DMRT1: variants seen among roughly 807,000 people sequenced by gnomAD.
DMRT1 encodes the protein doublesex- and mab-3-related transcription factor 1.
A neutral mutation model predicts 32.3 loss-of-function variants in DMRT1; 7 were observed. The observed-to-expected ratio is 0.22, with a 90% CI of 0.12 to 0.41. The LOEUF (loss-of-function observed/expected upper bound fraction) is 0.41. Among genes scored for constraint, DMRT1 ranks in the 10% least tolerant of loss-of-function variants. The probability of loss-of-function intolerance (pLI) is 1.00; values close to 1 mark genes in which losing one functional copy is unlikely to be tolerated. For missense variants in DMRT1, 625 were observed against 500.5 expected (o/e 1.25, Z -2.37); for synonymous variants, 278 against 206.1 (o/e 1.35, Z -2.99).
At chr9:935,314 G>C (rs928422856) in intron 4 of DMRT1, among the ~76,000 whole-genome samples, 2 of 152,300 alleles carry the variant, frequency 1.3e-5, no homozygotes, top group Non-Finnish European at 1.5e-5. Flanking sequence ...TGGCAAACGA[G>C]GGGGGCAGAT....
At chr9:919,130 G>T (rs1818276008) in intron 4 of DMRT1, among the ~76,000 whole-genome samples, 1 of 152,192 alleles carries the variant, frequency 6.6e-6, no homozygotes, top group Admixed American at 6.5e-5. Flanking sequence ...ACATGTGGCA[G>T]ATCCGTCAAG....
intron 3 of DMRT1, among the ~76,000 whole-genome samples, chr9:912,264 G>A (rs1321462977): frequency 6.6e-6 from 1 of 152,160 alleles, no homozygotes; most frequent in Admixed American, 6.5e-5. Context: ...CGCCTACCAC[G>A]TTCCTTCTTT....
At chr9:848,172 C>T (rs1031491799) in intron 2 of DMRT1, among the ~76,000 whole-genome samples, 15 of 152,178 alleles carry the variant, frequency 9.9e-5, no homozygotes, top group African/African-American at 3.4e-4. Context: ...ATGAATTACT[C>T]CATTTGCTGG....
chr9:966,238 T>C (rs1000520778), intron 4 of DMRT1, among the ~76,000 whole-genome samples: 2 of 152,232 alleles, frequency 1.3e-5, no homozygotes, highest in East Asian at 3.8e-4. Context: ...TTATGAACTG[T>C]AATAAGATGA....
intron 2 of DMRT1, among the ~76,000 whole-genome samples, chr9:875,246 A>G (rs917891031): frequency 6.6e-6 from 1 of 152,146 alleles, no homozygotes; most frequent in African/African-American, 2.4e-5. Flanking sequence ...TCCGTGGTGG[A>G]ATAAACCTTG....
intron 3 of DMRT1, among the ~76,000 whole-genome samples, chr9:908,842 C>G (rs190203457): frequency 1.1e-3 from 160 of 152,274 alleles, no homozygotes; most frequent in Non-Finnish European, 2.0e-3. Flanking sequence ...CCCCTCCCAC[C>G]TCTCCTGGGC....
intron 1 of DMRT1, 34 bp downstream of exon 1, chr9:842,226 C>G (rs535563425): frequency 5.0e-5 from 65 of 1,312,772 alleles, no homozygotes; most frequent in Admixed American, 7.0e-5. Flanking sequence ...CGGGTTCAGC[C>G]TTAGTTTTTT....
chr9:959,040 A>G (rs1481237125), intron 4 of DMRT1, among the ~76,000 whole-genome samples: 1 of 152,262 alleles, frequency 6.6e-6, no homozygotes. Context: ...AAATATCTGG[A>G]CAGCCAACCT....
intron 2 of DMRT1, among the ~76,000 whole-genome samples, chr9:850,575 C>G (rs1340855839): frequency 6.6e-6 from 1 of 152,172 alleles, no homozygotes; most frequent in Non-Finnish European, 1.5e-5. Flanking sequence ...GGATGATTTA[C>G]TGCATGTACA....
At chr9:856,905 G>A (rs781470828) in intron 2 of DMRT1, among the ~76,000 whole-genome samples, 2 of 152,214 alleles carry the variant, frequency 1.3e-5, no homozygotes, top group Non-Finnish European at 2.9e-5. Flanking sequence ...AAGTTACAAG[G>A]GAAGATGCCT....
chr9:858,874 T>A (rs201619090), intron 2 of DMRT1, among the ~76,000 whole-genome samples: 168 of 59,986 alleles, frequency 2.8e-3, no homozygotes, highest in African/African-American at 0.011. Context: ...AAAAAAAATA[T>A]ATATATATAT....
chr9:951,889 G>C (rs1410157450), intron 4 of DMRT1, among the ~76,000 whole-genome samples: 2 of 152,188 alleles, frequency 1.3e-5, no homozygotes. Context: ...CCAGTTTGAA[G>C]CACTTACTGA....
rs1028894330 is a variant in DMRT1 at position 916,957 on chromosome 9, A to G, written c.967+50A>G. 25 of 1,604,688 alleles carry G rather than the reference A, an allele frequency of 1.6e-5. 1 individual carries two copies. Among genetic ancestry groups the G allele is most frequent in the Admixed American group, 1.0e-4 (6 of 59,992 alleles). ...GATTTGGGGTTGAGAGAGGATGGCT[A>G]TCCAGTATTGGGTCATTAGCTGTGT... On this transcript the variant is annotated intron_variant, in intron 4 of 4. Coordinates refer to ENST00000382276, the MANE Select transcript of DMRT1 (RefSeq NM_021951.3).
chr9:951,878 G>T (rs1819437926), intron 4 of DMRT1, among the ~76,000 whole-genome samples: 1 of 152,188 alleles, frequency 6.6e-6, no homozygotes, highest in Non-Finnish European at 1.5e-5. Flanking sequence ...AGTCCCTGGT[G>T]CCAGTTTGAA....
At chr9:897,596 A>G (rs1307456438) in intron 3 of DMRT1, among the ~76,000 whole-genome samples, 1 of 152,022 alleles carries the variant, frequency 6.6e-6, no homozygotes, top group Non-Finnish European at 1.5e-5. Context: ...TGTCTCCAAA[A>G]AAAAAAAACA....
chr9:953,452 A>G (rs1819495288), intron 4 of DMRT1, among the ~76,000 whole-genome samples: 1 of 152,164 alleles, frequency 6.6e-6, no homozygotes, highest in Non-Finnish European at 1.5e-5. Context: ...ACATGCATTT[A>G]TTTTCTAAAT....
At chr9:961,198 C>T (rs1251880117) in intron 4 of DMRT1, among the ~76,000 whole-genome samples, 1 of 152,122 alleles carries the variant, frequency 6.6e-6, no homozygotes, top group African/African-American at 2.4e-5. Context: ...TCTGGAATGC[C>T]TCGTTTTAAT....
chr9:878,206 C>CG (rs962869872), intron 2 of DMRT1, among the ~76,000 whole-genome samples: 3 of 117,894 alleles, frequency 2.5e-5, no homozygotes, highest in Admixed American at 9.0e-5. Flanking sequence ...TGCTGCCCCC[C>CG]CCCCACCCAA....
Position 841,711 on chromosome 9 carries a change from T to C in DMRT1, c.-128T>C, listed in dbSNP as rs1355249216. The C allele has an allele frequency of 6.5e-7, 1 of 1,535,354 alleles. No homozygotes were observed. Among genetic ancestry groups the C allele is most frequent in the Non-Finnish European group, 8.8e-7 (1 of 1,140,220 alleles). ...CAGACCTCGCCACTCCAGCTGCGCC[T>C]CCGGCTGCAGCGCACACGTCTCCTG... On this transcript the variant is annotated 5_prime_UTR_variant, in exon 1 of 5. Coordinates refer to ENST00000382276, the MANE Select transcript of DMRT1 (RefSeq NM_021951.3).
Sources: allele counts gnomAD v4.1 joint callset (sites outside exome capture counted in the v4.1 genomes callset), GRCh38; gene constraint gnomAD v4.1.1; transcripts MANE v1.5; gene names NCBI Gene and HGNC (gene_info 2026-07-23, HGNC 2026-07-21).